Variants in HCRTR2 observed in about 807,000 individuals in gnomAD.
HCRTR2 encodes the protein orexin receptor type 2.
HCRTR2 carries 22 observed loss-of-function variants against 49.0 expected under a neutral mutation model. The observed-to-expected ratio is 0.45, with a 90% CI of 0.32 to 0.64. The LOEUF (loss-of-function observed/expected upper bound fraction) is 0.64, where lower values mean the gene tolerates loss of function less well. HCRTR2 is among the 30% of genes least tolerant of loss of function. The pLI, the probability that HCRTR2 is intolerant of heterozygous loss-of-function variation, is 0.04. For missense variants in HCRTR2, 491 were observed against 559.4 expected, an observed-to-expected ratio of 0.88 and a Z score of 1.23; for synonymous variants, 236 against 205.3, an observed-to-expected ratio of 1.15 and a Z score of -1.28.
chr6:55,237,075 T>C (rs1766228341), intron 1 of HCRTR2, among the ~76,000 whole-genome samples: 1 of 152,144 alleles, frequency 6.6e-6, no homozygotes. Flanking sequence ...TTATCTAATC[T>C]TTCTTTCTGT....
intron 2 of HCRTR2, 58 bp downstream of exon 2, chr6:55,248,875 G>A (rs1766497317): frequency 1.4e-6 from 2 of 1,393,542 alleles, no homozygotes; most frequent in African/African-American, 2.8e-5. Context: ...CCATAGCGAT[G>A]GCCCTTATGG....
intron 1 of HCRTR2, among the ~76,000 whole-genome samples, chr6:55,126,754 T>C (rs1258629372): frequency 1.3e-5 from 2 of 152,288 alleles, no homozygotes; most frequent in East Asian, 3.9e-4. Flanking sequence ...GGCTGCTGCC[T>C]TATTTTCAGG....
chr6:55,142,508 C>T (rs1764522036), intron 1 of HCRTR2, among the ~76,000 whole-genome samples: 1 of 151,862 alleles, frequency 6.6e-6, no homozygotes, highest in South Asian at 2.1e-4. Flanking sequence ...GGCCCGGCCT[C>T]AACTGATCAT....
intron 1 of HCRTR2, among the ~76,000 whole-genome samples, chr6:55,150,196 A>G (rs1764645584): frequency 1.3e-5 from 2 of 152,022 alleles, no homozygotes; most frequent in African/African-American, 2.4e-5. Flanking sequence ...ATAAATATAT[A>G]CAATGTATAC....
chr6:55,266,143 A>G (rs1766856161), intron 4 of HCRTR2, among the ~76,000 whole-genome samples: 1 of 152,176 alleles, frequency 6.6e-6, no homozygotes, highest in Admixed American at 6.6e-5. Context: ...ATCTTAATGG[A>G]TGTTGTTTAA....
At chr6:55,164,528 A>G (rs540508512) in intron 1 of HCRTR2, among the ~76,000 whole-genome samples, 304 of 152,326 alleles carry the variant, frequency 2.0e-3, no homozygotes, top group Non-Finnish European at 3.4e-3. Context: ...ACAAGATCAG[A>G]AAACCAAACA....
intron 1 of HCRTR2, among the ~76,000 whole-genome samples, chr6:55,146,515 T>C (rs978499601): frequency 2.0e-5 from 3 of 151,730 alleles, no homozygotes; most frequent in Non-Finnish European, 2.9e-5. Context: ...TAATTAATGT[T>C]GCAGATAAAG....
In HCRTR2 at chr6:55,140,194, C is replaced by T. The variant is rs533746640; in HGVS notation, c.-378+33649C>T. Among the ~76,000 whole-genome samples, 5 of 152,222 alleles carry T rather than the reference C, an allele frequency of 3.3e-5. No homozygotes were observed. The South Asian group carries it at 1.0e-3, about 32-fold the overall frequency. ...AGTGAATGGAAAACCAACCAGATATCTCCCACAATCTCCCTGTCTTTTATT... is the reference window on the plus strand; with the variant it reads ...AGTGAATGGAAAACCAACCAGATATTTCCCACAATCTCCCTGTCTTTTATT... On this transcript the variant is annotated intron_variant, in intron 1 of 7. Transcript: ENST00000615358.
chr6:55,220,709 A>G (rs1325676591), intron 1 of HCRTR2, among the ~76,000 whole-genome samples: 1 of 152,174 alleles, frequency 6.6e-6, no homozygotes, highest in Non-Finnish European at 1.5e-5. Context: ...CTTTGCTAGA[A>G]CAATTATGCA....
chr6:55,189,472 C>T (rs188353158), intron 1 of HCRTR2, among the ~76,000 whole-genome samples: 144 of 152,256 alleles, frequency 9.5e-4, no homozygotes, highest in Non-Finnish European at 1.7e-3. Flanking sequence ...CAGAAAAGAA[C>T]CTGCTGATTA....
intron 1 of HCRTR2, among the ~76,000 whole-genome samples, chr6:55,143,999 T>C (rs1764544124): frequency 6.6e-6 from 1 of 152,038 alleles, no homozygotes. Context: ...TCATGAATCA[T>C]GTTTGGGAAA....
intron 1 of HCRTR2, among the ~76,000 whole-genome samples, chr6:55,185,245 T>C (rs1485067792): frequency 3.9e-5 from 6 of 152,186 alleles, no homozygotes; most frequent in African/African-American, 1.4e-4. Flanking sequence ...TTCATAATTA[T>C]TGAGACATTT....
chr6:55,145,084 A>C (rs1461775421), intron 1 of HCRTR2, among the ~76,000 whole-genome samples: 1 of 152,132 alleles, frequency 6.6e-6, no homozygotes, highest in Non-Finnish European at 1.5e-5. Flanking sequence ...TTCTAGTTAC[A>C]AAGTACGTAG....
Position 55,204,339 on chromosome 6 carries a change from G to T in HCRTR2, c.223+29529G>T, listed in dbSNP as rs55933425. Among the ~76,000 whole-genome samples, 766 of 152,232 alleles carry T rather than the reference G, an allele frequency of 5.0e-3. 5 individuals are homozygous for T. The highest frequency in any genetic ancestry group is 0.012 in the South Asian group (58 of 4,826). On this transcript the variant is annotated intron_variant, in intron 1 of 6. Coordinates refer to ENST00000370862, the MANE Select transcript of HCRTR2 (RefSeq NM_001384272.1). ...CTCAAGTTGCTGACAGTAGTATCTTGCTGACTAACATAATTTTTATTAATT... is the reference window on the plus strand; with the variant it reads ...CTCAAGTTGCTGACAGTAGTATCTTTCTGACTAACATAATTTTTATTAATT...
intron 1 of HCRTR2, among the ~76,000 whole-genome samples, chr6:55,135,716 A>G (rs1292327429): frequency 2.0e-5 from 3 of 152,150 alleles, no homozygotes; most frequent in African/African-American, 7.2e-5. Context: ...ATTTGCTATC[A>G]TTTACCCATG....
chr6:55,140,775 C>A (rs1764495035), intron 1 of HCRTR2, among the ~76,000 whole-genome samples: 1 of 152,066 alleles, frequency 6.6e-6, no homozygotes, highest in African/African-American at 2.4e-5. Flanking sequence ...AATTTTAATT[C>A]CAATTTTTTT....
intron 1 of HCRTR2, among the ~76,000 whole-genome samples, chr6:55,221,863 C>T (rs1765905000): frequency 6.7e-6 from 1 of 148,722 alleles, no homozygotes; most frequent in Non-Finnish European, 1.5e-5. Flanking sequence ...TAGAGAAAAA[C>T]AGGAGAAAAG....
intron 1 of HCRTR2, 43 bp downstream of exon 1, chr6:55,174,853 C>T (rs758195059): frequency 4.6e-6 from 7 of 1,516,456 alleles, no homozygotes; most frequent in Middle Eastern, 3.4e-4. Flanking sequence ...CTATCACCCC[C>T]TCTCCGCCCC....
chr6:55,230,466 T>A (rs1215888377), intron 1 of HCRTR2, among the ~76,000 whole-genome samples: 2 of 152,184 alleles, frequency 1.3e-5, no homozygotes, highest in African/African-American at 4.8e-5. Context: ...ATGTATAATC[T>A]AAATTAAAGA....
Sources: allele counts gnomAD v4.1 joint callset (sites outside exome capture counted in the v4.1 genomes callset), GRCh38; gene constraint gnomAD v4.1.1; transcripts MANE v1.5; gene names NCBI Gene and HGNC (gene_info 2026-07-23, HGNC 2026-07-21).